The following DPP10 variants were observed in gnomAD, a reference collection of about 807,000 sequenced individuals.
The protein encoded by DPP10 is inactive dipeptidyl peptidase 10.
A neutral mutation model predicts 120.9 loss-of-function variants in DPP10; 33 were observed. The ratio of observed to expected loss-of-function variants is 0.27; its 90% CI spans 0.21 to 0.37. DPP10 has a LOEUF of 0.37. Among genes scored for constraint, DPP10 ranks in the 10% least tolerant of loss-of-function variants. The pLI, the probability that DPP10 is intolerant of heterozygous loss-of-function variation, is 1.00. For missense variants in DPP10, 816 were observed against 942.8 expected (o/e 0.87, Z 1.76); for synonymous variants, 337 against 326.1 (o/e 1.03, Z -0.36).
chr2:114,679,144 A>G (rs1178994376), intron 1 of DPP10, among the ~76,000 whole-genome samples: 1 of 152,044 alleles, frequency 6.6e-6, no homozygotes, highest in Non-Finnish European at 1.5e-5. Flanking sequence ...AATGCATGGC[A>G]GTTGTTTGAG....
At chr2:114,539,325 T>C (rs1045387997) in intron 1 of DPP10, among the ~76,000 whole-genome samples, 1 of 151,606 alleles carries the variant, frequency 6.6e-6, no homozygotes, top group African/African-American at 2.4e-5. Flanking sequence ...TACACACACA[T>C]ATATATATAC....
chr2:115,220,694 TA>T (rs1315913893), intron 1 of DPP10, among the ~76,000 whole-genome samples: 22 of 152,342 alleles, frequency 1.4e-4, no homozygotes, highest in Non-Finnish European at 1.5e-5. Flanking sequence ...TAGACTTGCC[TA>T]AACTTGTAGT....
intron 1 of DPP10, among the ~76,000 whole-genome samples, chr2:114,832,069 C>T (rs991002179): frequency 3.3e-5 from 5 of 151,904 alleles, no homozygotes; most frequent in Non-Finnish European, 5.9e-5. Context: ...TTATTTTCCA[C>T]GTGTTTTCAC....
At chr2:115,511,986 T>C (rs2077257806) in intron 4 of DPP10, among the ~76,000 whole-genome samples, 1 of 151,894 alleles carries the variant, frequency 6.6e-6, no homozygotes, top group African/African-American at 2.4e-5. Context: ...CCTGTCTTGG[T>C]CTGCCAAAGT....
intron 5 of DPP10, among the ~76,000 whole-genome samples, chr2:115,622,188 C>T (rs1016672378): frequency 2.6e-5 from 4 of 152,168 alleles, no homozygotes; most frequent in African/African-American, 4.8e-5. Context: ...GTCCACCCCT[C>T]ATGCAGCCCC....
At chr2:115,723,007 C>T (rs1446860376) in intron 7 of DPP10, among the ~76,000 whole-genome samples, 1 of 152,166 alleles carries the variant, frequency 6.6e-6, no homozygotes, top group Non-Finnish European at 1.5e-5. Context: ...ATTGCTGAGG[C>T]TGGTGTGCCA....
intron 1 of DPP10, among the ~76,000 whole-genome samples, chr2:114,572,886 C>T (rs1419556556): frequency 1.3e-5 from 2 of 152,142 alleles, no homozygotes; most frequent in Admixed American, 1.3e-4. Context: ...TCTACTCTAC[C>T]GTTCTCGAGA....
intron 1 of DPP10, among the ~76,000 whole-genome samples, chr2:115,291,786 T>C (rs1318774521): frequency 6.6e-6 from 1 of 152,156 alleles, no homozygotes; most frequent in Non-Finnish European, 1.5e-5. Context: ...GACTCATTAC[T>C]TTTGAACACA....
chr2:115,144,340 T>G (rs1471052694), intron 1 of DPP10: 1 of 152,166 alleles, frequency 6.6e-6, no homozygotes, highest in Non-Finnish European at 1.5e-5. Context: ...GCCATTCTCA[T>G]GCAGAGACAC....
intron 1 of DPP10, among the ~76,000 whole-genome samples, chr2:115,216,459 T>G (rs969021569): frequency 6.6e-6 from 1 of 152,146 alleles, no homozygotes; most frequent in African/African-American, 2.4e-5. Flanking sequence ...TAAGTGTGTA[T>G]GTATATATAT....
At chr2:114,747,659 G>C (rs554940357) in intron 1 of DPP10, among the ~76,000 whole-genome samples, 116 of 152,136 alleles carry the variant, frequency 7.6e-4, no homozygotes, top group Non-Finnish European at 1.2e-3. Context: ...TGCTTCATGA[G>C]TTTCCCATTC....
intron 1 of DPP10, among the ~76,000 whole-genome samples, chr2:115,297,930 A>G (rs1049513216): frequency 6.6e-6 from 1 of 152,004 alleles, no homozygotes; most frequent in Non-Finnish European, 1.5e-5. Flanking sequence ...TTCAACCACA[A>G]TTTATAGTTC....
At chr2:115,537,563 G>GTT (rs11392457) in intron 5 of DPP10, among the ~76,000 whole-genome samples, 5,071 of 128,556 alleles carry the variant, frequency 0.039, 196 homozygotes, top group Non-Finnish European at 0.045. Context: ...ACACATCACT[G>GTT]TTTTTTTTTT....
At chr2:115,651,171 T>A (rs1308428065) in intron 5 of DPP10, among the ~76,000 whole-genome samples, 1 of 151,982 alleles carries the variant, frequency 6.6e-6, no homozygotes, top group Non-Finnish European at 1.5e-5. Context: ...TCCAAAACTA[T>A]TTTTTTGAAA....
chr2:114,619,452 A>G (rs1366998107), intron 1 of DPP10, among the ~76,000 whole-genome samples: 1 of 151,596 alleles, frequency 6.6e-6, no homozygotes, highest in East Asian at 1.9e-4. Context: ...AAATCCAAAC[A>G]TCAGAATGTC....
intron 5 of DPP10, among the ~76,000 whole-genome samples, chr2:115,534,206 C>A (rs184086596): frequency 5.3e-5 from 8 of 151,984 alleles, no homozygotes; most frequent in African/African-American, 1.7e-4. Flanking sequence ...GTGTGCTGCA[C>A]CCACTAACTC....
intron 1 of DPP10, among the ~76,000 whole-genome samples, chr2:114,780,029 G>A (rs949783382): frequency 7.2e-5 from 11 of 151,866 alleles, no homozygotes; most frequent in South Asian, 2.1e-4. Context: ...CCAGCTACTC[G>A]GGAGGCTGAG....
At chr2:115,497,949 TAA>T (rs35416398) in intron 3 of DPP10, among the ~76,000 whole-genome samples, 2 of 148,720 alleles carry the variant, frequency 1.3e-5, no homozygotes, top group East Asian at 2.0e-4. Flanking sequence ...AAGTTAATGA[TAA>T]AAAAAAAAGA....
chr2:114,572,921 G>A (rs1689767858), intron 1 of DPP10, among the ~76,000 whole-genome samples: 1 of 152,158 alleles, frequency 6.6e-6, no homozygotes, highest in African/African-American at 2.4e-5. Context: ...AGAAAACACA[G>A]GCGTGGAACC....
Sources: gnomAD v4.1 joint callset for allele counts (sites outside exome capture counted in the v4.1 genomes callset) on GRCh38, gnomAD v4.1.1 for gene constraint, MANE v1.5 for transcripts, NCBI Gene and HGNC (gene_info 2026-07-23, HGNC 2026-07-21) for gene names.